Variants in DNAAF1 observed in about 807,000 individuals in gnomAD.
DNAAF1 encodes the protein dynein assembly factor 1, axonemal.
Under a neutral mutation model 71.1 loss-of-function variants are expected in DNAAF1, and 65 were observed. That is an observed-to-expected ratio of 0.91 (90% CI 0.75 to 1.12). DNAAF1 has a LOEUF of 1.12. DNAAF1 is among the 50% of genes most tolerant of loss of function. The pLI is 0.00. For missense variants in DNAAF1, 1,178 were observed against 899.8 expected, an observed-to-expected ratio of 1.31 and a Z score of -3.96; for synonymous variants, 414 against 354.6, an observed-to-expected ratio of 1.17 and a Z score of -1.88.
intron 3 of DNAAF1, among the ~76,000 whole-genome samples, chr16:84,151,940 C>T (rs1386098736): frequency 6.6e-6 from 1 of 152,218 alleles, no homozygotes; most frequent in African/African-American, 2.4e-5. Flanking sequence ...CACTTCATCA[C>T]TCCATTGTAT....
intron 6 of DNAAF1, among the ~76,000 whole-genome samples, chr16:84,160,012 C>T (rs377401515): frequency 1.1e-3 from 167 of 152,140 alleles, no homozygotes; most frequent in South Asian, 0.01. Context: ...TTGTATCAGT[C>T]GTTTACCTCT....
chr16:84,159,315 C>T, intron 5 of DNAAF1: 1 of 959,108 alleles, frequency 1.0e-6, no homozygotes, highest in African/African-American at 1.8e-5. Context: ...GAAAAGAAAA[C>T]AATCAATTAG....
At chr16:84,171,201 C>T (rs954358015) in intron 8 of DNAAF1, among the ~76,000 whole-genome samples, 2 of 152,112 alleles carry the variant, frequency 1.3e-5, no homozygotes, top group East Asian at 1.9e-4. Flanking sequence ...TGTGGGAGGC[C>T]GAGGCAGGCA....
Position 84,149,091 on chromosome 16 carries a change from C to G in DNAAF1, c.209C>G (p.Ser70Ter). 1 of 1,614,160 alleles carries G rather than the reference C, an allele frequency of 6.2e-7. No homozygotes were observed. The highest frequency in any genetic ancestry group is 8.5e-7 in the Non-Finnish European group (1 of 1,180,040). The change falls in exon 2 of 12, where the codon TCA (serine) becomes TGA (stop). Residue 70 changes from serine (S) to a stop codon, truncating the protein, a stop_gained. Transcript: ENST00000378553. LOFTEE classifies it high-confidence loss of function. ...CAGAAACAGAGTGGTGATAATGGGT[C>G]AGGTGGTCACTTCGCACACCCAAGA... ...SQQKQSGDNG[S>*]GGHFAHPRED... is the part of the protein sequence containing the mutation.
rs150115442 is a variant in DNAAF1 at position 84,158,037 on chromosome 16, C to G, written c.742-1638C>G. On this transcript the variant is annotated intron_variant, in intron 5 of 11. Transcript: ENST00000378553. ...CCTGGCTAACATGGTGAAACCGTCT[C>G]TACTAAAAATACAAAAAATTAGCCG... is the stretch of plus-strand genomic sequence containing the variant. 6.9e-3 allele frequency among the ~76,000 whole-genome samples: 1,057 copies of G among 152,170 alleles called. 11 individuals carry two copies. The highest frequency in any genetic ancestry group is 0.024 in the African/African-American group (1,003 of 41,506).
At chr16:84,150,143 G>A (rs2087116484) in intron 2 of DNAAF1, 108 bp from the exon 3 acceptor site, 1 of 775,100 alleles carries the variant, frequency 1.3e-6, no homozygotes, top group Admixed American at 1.9e-5. Flanking sequence ...CAGGGATATA[G>A]GATGTTATAG....
intron 3 of DNAAF1, 41 bp from the exon 4 acceptor site, chr16:84,154,535 TG>T: frequency 6.3e-7 from 1 of 1,585,548 alleles, no homozygotes; most frequent in South Asian, 1.1e-5. Context: ...CCCTCTGCCC[TG>T]GGAGTAGGAG....
chr16:84,149,283 C>T lies in DNAAF1; in HGVS notation c.260+141C>T, dbSNP rs570020493. On this transcript the variant is annotated intron_variant, in intron 2 of 11. Transcript: ENST00000378553. ...GTCTGAGAATGGAGTGAGGATGGCA[C>T]TGCCTCTGCCGCACAGCTGAGCGCA... 2.3e-4 allele frequency: 258 copies of T among 1,099,732 alleles called. 6 individuals are homozygous for T. The South Asian group carries it at 3.3e-3, about 14-fold the overall frequency. 68.1% of individuals were successfully genotyped at this position (1,099,732 alleles called of 1,614,324 possible). A position where few individuals can be genotyped will look rare whatever the true frequency, so the allele number is the denominator to read the frequency against.
At chr16:84,165,589 T>G (rs77606414) in intron 6 of DNAAF1, among the ~76,000 whole-genome samples, 194 bp from the exon 7 acceptor site, 6 of 152,132 alleles carry the variant, frequency 3.9e-5, no homozygotes, top group African/African-American at 1.4e-4. Flanking sequence ...ACTTGTGCTT[T>G]TGGTGCCACA....
chr16:84,163,525 C>T (rs2087818713), intron 6 of DNAAF1, among the ~76,000 whole-genome samples: 1 of 152,020 alleles, frequency 6.6e-6, no homozygotes, highest in African/African-American at 2.4e-5. Context: ...GGATTACAGG[C>T]ATCTGCCACC....
chr16:84,176,514 C>T (rs1208371772), intron 11 of DNAAF1: 6 of 693,704 alleles, frequency 8.6e-6, no homozygotes, highest in Admixed American at 7.2e-5. Flanking sequence ...AGGAAGCCAC[C>T]GAGCCAGCCT....
intron 6 of DNAAF1, among the ~76,000 whole-genome samples, chr16:84,164,841 C>T (rs2151249530): frequency 6.6e-6 from 1 of 152,278 alleles, no homozygotes; most frequent in South Asian, 2.1e-4. Flanking sequence ...GAATCCGCCA[C>T]ACCATTTTCC....
At chr16:84,169,108 A>G (rs2088184926) in intron 7 of DNAAF1, among the ~76,000 whole-genome samples, 2 of 114,358 alleles carry the variant, frequency 1.7e-5, no homozygotes, top group African/African-American at 6.8e-5. Context: ...TTTTTTTTAG[A>G]GAGTCTCACT....
chr16:84,150,366 C>G (rs775253467), intron 3 of DNAAF1, 24 bp downstream of exon 3: 11 of 1,535,452 alleles, frequency 7.2e-6, no homozygotes, highest in Non-Finnish European at 9.9e-6. Context: ...AGAGGAAGTG[C>G]TTCACGTCAG....
chr16:84,177,718 TC>T lies in DNAAF1; in HGVS notation c.2066-9del, dbSNP rs748770668. 3 of 1,611,566 alleles carry T rather than the reference TC, an allele frequency of 1.9e-6. No individual in the cohort carries two copies. Among genetic ancestry groups the T allele is most frequent in the Non-Finnish European group, 2.5e-6 (3 of 1,178,074 alleles). ...ACAGGGAGAAAGCACAGGTCACCCTTCCTTCCACAGTGCCGACTGAGAGCGC... is the reference window on the plus strand; with the variant it reads ...ACAGGGAGAAAGCACAGGTCACCCTTCTTCCACAGTGCCGACTGAGAGCGC... On this transcript the variant is annotated splice_polypyrimidine_tract_variant and intron_variant, in intron 11 of 11. Coordinates refer to ENST00000378553, the MANE Select transcript of DNAAF1 (RefSeq NM_178452.6).
intron 10 of DNAAF1, 90 bp from the exon 11 acceptor site, chr16:84,175,843 T>C: frequency 6.7e-7 from 1 of 1,483,800 alleles, no homozygotes; most frequent in African/African-American, 1.4e-5. Flanking sequence ...TTTGTGACAT[T>C]GGGTGAAAAA....
chr16:84,155,524 C>T (rs760033183), intron 4 of DNAAF1, 59 bp from the exon 5 acceptor site: 1 of 1,586,416 alleles, frequency 6.3e-7, no homozygotes, highest in Non-Finnish European at 8.6e-7. Flanking sequence ...ACCACTGTGC[C>T]TGGCCCAAGA....
chr16:84,154,459 T>C, intron 3 of DNAAF1, 118 bp from the exon 4 acceptor site: 1 of 880,816 alleles, frequency 1.1e-6, no homozygotes, highest in Non-Finnish European at 1.8e-6. Flanking sequence ...GATTTCAATG[T>C]ATGAATTTTG....
In DNAAF1 at chr16:84,150,255, A is replaced by G. The variant is rs749742625; in HGVS notation, c.265A>G (p.Thr89Ala). The G allele has an allele frequency of 3.2e-5, 52 of 1,611,604 alleles. No individual in the cohort carries two copies. The highest frequency in any genetic ancestry group is 5.0e-5 in the Admixed American group (3 of 60,000). Residue 89 changes from threonine (T) to alanine (A), a missense_variant, in exon 3 of 12, where the codon ACT (threonine) becomes GCT (alanine). Physicochemically the swap from Thr to Ala is moderately conservative, Grantham distance 58. Coordinates refer to ENST00000378553, the MANE Select transcript of DNAAF1 (RefSeq NM_178452.6). ...EDREDRGPRM[T>A]KSSLQKLCKQ... ...CATATTTTTCCATTTTAACAGAATGACTAAAAGTTCCCTGCAAAAACTCTG... is the reference window on the plus strand; with the variant it reads ...CATATTTTTCCATTTTAACAGAATGGCTAAAAGTTCCCTGCAAAAACTCTG...
Sources: gnomAD v4.1 joint callset for allele counts (sites outside exome capture counted in the v4.1 genomes callset) on GRCh38, gnomAD v4.1.1 for gene constraint, MANE v1.5 for transcripts, NCBI Gene and HGNC (gene_info 2026-07-23, HGNC 2026-07-21) for gene names.